GABRG3: variants seen among roughly 807,000 people sequenced by gnomAD.
The protein encoded by GABRG3 is gamma-aminobutyric acid type A receptor subunit gamma3.
GABRG3 carries 25 observed loss-of-function variants against 48.8 expected under a neutral mutation model. The observed-to-expected ratio is 0.51, with a 90% confidence interval of 0.37 to 0.72. The LOEUF is 0.72. GABRG3 is among the 30% of genes least tolerant of loss of function. The pLI is 0.00. For missense variants in GABRG3, 394 were observed against 577.9 expected, an observed-to-expected ratio of 0.68 and a Z score of 3.26; for synonymous variants, 227 against 217.6, an observed-to-expected ratio of 1.04 and a Z score of -0.38.
chr15:27,060,546 G>A (rs536330161), intron 3 of GABRG3, among the ~76,000 whole-genome samples: 19 of 152,340 alleles, frequency 1.2e-4, no homozygotes, highest in African/African-American at 3.4e-4. Flanking sequence ...GCATGCTTTC[G>A]TGAGTCCGTG....
intron 3 of GABRG3, among the ~76,000 whole-genome samples, chr15:27,308,388 T>G (rs977977563): frequency 4.1e-5 from 6 of 144,694 alleles, no homozygotes; most frequent in African/African-American, 1.3e-4. Flanking sequence ...TGTTTATATA[T>G]AAACATATAA....
At chr15:27,119,666 G>T (rs1355060945) in intron 3 of GABRG3, among the ~76,000 whole-genome samples, 1 of 152,168 alleles carries the variant, frequency 6.6e-6, no homozygotes, top group Admixed American at 6.5e-5. Flanking sequence ...GGATGAATGT[G>T]CTTCACTCAG....
At chr15:27,397,098 A>C (rs1022899906) in intron 5 of GABRG3, among the ~76,000 whole-genome samples, 3 of 152,202 alleles carry the variant, frequency 2.0e-5, no homozygotes, top group East Asian at 3.8e-4. Context: ...CTTTAAAAAA[A>C]TCTGCCAGAG....
chr15:27,307,057 A>G (rs1372157498), intron 3 of GABRG3, among the ~76,000 whole-genome samples: 1 of 126,234 alleles, frequency 7.9e-6, no homozygotes, highest in African/African-American at 3.3e-5. Context: ...GTTTATATAT[A>G]AACATGTATA....
At chr15:27,270,913 A>T (rs192805857) in intron 3 of GABRG3, among the ~76,000 whole-genome samples, 1 of 152,188 alleles carries the variant, frequency 6.6e-6, no homozygotes, top group Admixed American at 6.5e-5. Context: ...ATGATTCACT[A>T]TCCAGGACCA....
At chr15:27,393,128 G>A (rs1477400456) in intron 5 of GABRG3, among the ~76,000 whole-genome samples, 2 of 152,010 alleles carry the variant, frequency 1.3e-5, no homozygotes, top group Non-Finnish European at 2.9e-5. Context: ...GGCAGATCAC[G>A]AGGTCAGGAG....
chr15:27,504,220 T>C (rs1890709857), intron 6 of GABRG3, among the ~76,000 whole-genome samples: 1 of 152,084 alleles, frequency 6.6e-6, no homozygotes, highest in African/African-American at 2.4e-5. Flanking sequence ...TTTTGTTCTA[T>C]TTCTCCTCTT....
intron 3 of GABRG3, among the ~76,000 whole-genome samples, chr15:27,309,030 T>G (rs986036112): frequency 1.5e-4 from 22 of 149,742 alleles, no homozygotes; most frequent in Non-Finnish European, 2.4e-4. Context: ...TATAGAAACA[T>G]AATGTAAACA....
At chr15:27,117,658 G>C (rs577669776) in intron 3 of GABRG3, among the ~76,000 whole-genome samples, 2 of 152,256 alleles carry the variant, frequency 1.3e-5, no homozygotes, top group South Asian at 4.2e-4. Flanking sequence ...TTATTAGAAA[G>C]TTTTTCTTCA....
At chr15:27,512,369 C>T (rs1417637773) in intron 6 of GABRG3, among the ~76,000 whole-genome samples, 1 of 152,036 alleles carries the variant, frequency 6.6e-6, no homozygotes, top group African/African-American at 2.4e-5. Context: ...AGAAGAAAGG[C>T]TGACTGTGAG....
At chr15:27,473,512 G>A (rs1889848218) in intron 5 of GABRG3, among the ~76,000 whole-genome samples, 1 of 152,120 alleles carries the variant, frequency 6.6e-6, no homozygotes, top group South Asian at 2.1e-4. Flanking sequence ...TAAACGTCTG[G>A]TCCAAAAATC....
At chr15:27,204,651 T>C (rs1034689218) in intron 3 of GABRG3, among the ~76,000 whole-genome samples, 8 of 152,200 alleles carry the variant, frequency 5.3e-5, no homozygotes, top group African/African-American at 1.9e-4. Flanking sequence ...TTTAACAATA[T>C]TGATTCTTCC....
chr15:27,023,248 T>C (rs982985103), intron 2 of GABRG3, among the ~76,000 whole-genome samples: 2 of 152,300 alleles, frequency 1.3e-5, no homozygotes, highest in Non-Finnish European at 2.9e-5. Context: ...ATTTCTGGCT[T>C]TCCTACCTTC....
chr15:27,523,267 A>G (rs1442462032), intron 7 of GABRG3, among the ~76,000 whole-genome samples: 5 of 151,806 alleles, frequency 3.3e-5, no homozygotes, highest in Non-Finnish European at 4.4e-5. Flanking sequence ...ATAAAAAGAA[A>G]CATCATGAAG....
At chr15:27,333,619 G>A (rs111435051) in intron 5 of GABRG3, among the ~76,000 whole-genome samples, 21 of 152,184 alleles carry the variant, frequency 1.4e-4, no homozygotes, top group African/African-American at 2.9e-4. Context: ...CCTTTCTGCC[G>A]CGTAAAGTGA....
At chr15:27,351,874 G>A (rs1043696741) in intron 5 of GABRG3, among the ~76,000 whole-genome samples, 36 of 149,150 alleles carry the variant, frequency 2.4e-4, no homozygotes, top group African/African-American at 5.5e-4. Flanking sequence ...TGGTGTGTGC[G>A]TATGTATGAT....
chr15:27,440,821 C>T (rs1226964025), intron 5 of GABRG3, among the ~76,000 whole-genome samples: 3 of 152,220 alleles, frequency 2.0e-5, no homozygotes, highest in South Asian at 2.1e-4. Flanking sequence ...CATAATTATT[C>T]GATTAATTAT....
intron 6 of GABRG3, among the ~76,000 whole-genome samples, chr15:27,496,001 TG>T (rs1890477857): frequency 6.6e-6 from 1 of 152,142 alleles, no homozygotes; most frequent in African/African-American, 2.4e-5. Flanking sequence ...TACTTGCAGG[TG>T]GGGGTAGAAG....
chr15:27,322,927 T>C (rs1457091625), intron 3 of GABRG3, among the ~76,000 whole-genome samples: 1 of 152,144 alleles, frequency 6.6e-6, no homozygotes, highest in African/African-American at 2.4e-5. Flanking sequence ...TGTCTCTGTG[T>C]CAGGAATCCA....
Sources: allele counts gnomAD v4.1 joint callset (sites outside exome capture counted in the v4.1 genomes callset), GRCh38; gene constraint gnomAD v4.1.1; transcripts MANE v1.5; gene names NCBI Gene and HGNC (gene_info 2026-07-23, HGNC 2026-07-21).